The following MYLK variants were observed in gnomAD, a reference collection of about 807,000 sequenced individuals.
MYLK encodes myosin light chain kinase, smooth muscle.
A neutral mutation model predicts 203.4 loss-of-function variants in MYLK; 106 were observed. The observed-to-expected ratio is 0.52, with a 90% CI of 0.45 to 0.61. MYLK has a LOEUF of 0.61. Ranked by LOEUF, MYLK falls within the 20% of genes least tolerant of loss-of-function variation. The pLI, the probability that MYLK is intolerant of heterozygous loss-of-function variation, is 0.00. For synonymous variants in MYLK, 867 were observed against 959.5 expected, an observed-to-expected ratio of 0.90 and a Z score of 1.78; for missense variants, 2,072 against 2,442.3, an observed-to-expected ratio of 0.85 and a Z score of 3.20.
intron 17 of MYLK, 39 bp from the exon 18 acceptor site, chr3:123,701,044 A>T (rs768067058): frequency 6.3e-7 from 1 of 1,597,938 alleles, no homozygotes; most frequent in Admixed American, 1.7e-5. Context: ...TAGCAGGAGG[A>T]AAAGGGGCTG....
At chr3:123,795,370 G>T in intron 3 of MYLK, among the ~76,000 whole-genome samples, 1 of 152,166 alleles carries the variant, frequency 6.6e-6, no homozygotes, top group Non-Finnish European at 1.5e-5. Flanking sequence ...TATGTGTACT[G>T]AAATCTATGC....
intron 3 of MYLK, among the ~76,000 whole-genome samples, chr3:123,803,296 C>T (rs1477860155): frequency 1.3e-5 from 2 of 152,186 alleles, no homozygotes; most frequent in African/African-American, 2.4e-5. Flanking sequence ...TGACTGCTAT[C>T]GTTAATGGTG....
intron 1 of MYLK, among the ~76,000 whole-genome samples, chr3:123,877,029 G>A (rs2033192509): frequency 6.6e-6 from 1 of 152,138 alleles, no homozygotes; most frequent in South Asian, 2.1e-4. Flanking sequence ...GCCTCTGGGG[G>A]CAGTATCTGA....
At chr3:123,842,630 C>T (rs1382329767) in intron 2 of MYLK, among the ~76,000 whole-genome samples, 1 of 152,098 alleles carries the variant, frequency 6.6e-6, no homozygotes, top group Non-Finnish European at 1.5e-5. Context: ...TAGTCAATAA[C>T]AAAAAACAAG....
rs1006185631 is a variant in MYLK, at chr3:123,618,528, C to T, written c.5500+111G>A. ...AGTTTCCCCCAAAGCTTGGCAGTTC[C>T]TCATTGTCCCCAGCTGCACAGAACT... On this transcript the variant is annotated intron_variant, in intron 33 of 33. Coordinates refer to ENST00000360304, the MANE Select transcript of MYLK (RefSeq NM_053025.4). The T allele has an allele frequency of 5.4e-6, 8 of 1,484,804 alleles. No individual in the cohort carries two copies. The African/African-American group carries it at 9.7e-5, about 18-fold the overall frequency. 92.0% of individuals were successfully genotyped at this position (1,484,804 alleles called of 1,614,324 possible).
intron 8 of MYLK, 76 bp downstream of exon 8, chr3:123,737,302 G>A (rs2062707206): frequency 6.3e-7 from 1 of 1,595,006 alleles, no homozygotes; most frequent in Non-Finnish European, 8.6e-7. Context: ...CAGGTGCGCA[G>A]TGAACAAGCA....
intron 3 of MYLK, among the ~76,000 whole-genome samples, chr3:123,811,240 G>A (rs981570136): frequency 4.6e-5 from 7 of 152,110 alleles, no homozygotes; most frequent in Admixed American, 6.6e-5. Flanking sequence ...TTGCACTCGG[G>A]GTGAGGGAGC....
Position 123,629,313 on chromosome 3 carries a change from C to T in MYLK, c.5114+161G>A, listed in dbSNP as rs1220986620. On this transcript the variant is annotated intron_variant, in intron 30 of 33. Coordinates refer to ENST00000360304, the MANE Select transcript of MYLK (RefSeq NM_053025.4). The surrounding 1 kb of genome is among the most constrained non-coding windows in gnomAD (Gnocchi z 4.4). ...GTCGCCTCCCCAACCCACATGCATT[C>T]GGGTCTCTTACCATGCCCACCCTCC... Among the ~76,000 whole-genome samples, 1 of 151,930 alleles carries T rather than the reference C, an allele frequency of 6.6e-6. No homozygotes were observed. Among genetic ancestry groups the T allele is most frequent in the African/African-American group, 2.4e-5 (1 of 41,362 alleles).
At chr3:123,722,603 C>G (rs2062133048) in intron 12 of MYLK, among the ~76,000 whole-genome samples, 1 of 152,144 alleles carries the variant, frequency 6.6e-6, no homozygotes, top group South Asian at 2.1e-4. Flanking sequence ...TTTGGGCATT[C>G]TGTGTTAAAC....
rs147623610 is a variant in MYLK, at chr3:123,809,306, C to A, written c.-3-15462G>T. The stretch of plus-strand genomic sequence containing the variant: ...TTGGGAGGCCAAGGTGGGCAGATCA[C>A]TTGAGGTCAGGAGTTCGAGACAAGC... On this transcript the variant is annotated intron_variant, in intron 3 of 33. Coordinates refer to ENST00000360304, the MANE Select transcript of MYLK (RefSeq NM_053025.4). Among the ~76,000 whole-genome samples the A allele has an allele frequency of 1.8e-4, 27 of 152,282 alleles. No homozygotes were observed. In the East Asian group the frequency reaches 5.2e-3, roughly 29 times the overall value.
rs554535934 is a variant in MYLK, at chr3:123,817,189, G to A, written c.-4+14359C>T. Among the ~76,000 whole-genome samples the A allele has an allele frequency of 6.6e-5, 10 of 152,288 alleles. No individual in the cohort carries two copies. In the South Asian group the frequency reaches 2.1e-3, roughly 32 times the overall value. ...TTCTCCTGACATCTAGGATAGCAGAGATATTATTTCAGGATCAGATCTTGA... is the reference window on the plus strand; with the variant it reads ...TTCTCCTGACATCTAGGATAGCAGAAATATTATTTCAGGATCAGATCTTGA... On this transcript the variant is annotated intron_variant, in intron 3 of 33. Transcript: ENST00000360304.
intron 2 of MYLK, among the ~76,000 whole-genome samples, chr3:123,862,568 A>G (rs1327878509): frequency 5.9e-5 from 9 of 151,968 alleles, no homozygotes; most frequent in Admixed American, 5.9e-4. Flanking sequence ...ATGCTTGCTG[A>G]CTTTCCCTAC....
chr3:123,620,093 G>A (rs2057762310), intron 32 of MYLK, 114 bp downstream of exon 32: 1 of 915,736 alleles, frequency 1.1e-6, no homozygotes, highest in East Asian at 2.4e-5. Context: ...ATTTATCCTT[G>A]CAGGGAATAT....
At chr3:123,720,785 G>A (rs1404765344) in intron 13 of MYLK, among the ~76,000 whole-genome samples, 1 of 152,186 alleles carries the variant, frequency 6.6e-6, no homozygotes, top group Admixed American at 6.5e-5. Flanking sequence ...TCCCGGCAGA[G>A]AGCTTCACAG....
In MYLK at chr3:123,709,880, G is replaced by C. The variant is rs763941748; in HGVS notation, c.1818C>G (p.Ser606Arg). 3 of 1,614,144 alleles carry C rather than the reference G, an allele frequency of 1.9e-6. No individual in the cohort carries two copies. The Admixed American group carries it at 5.0e-5, about 27-fold the overall frequency. The stretch of plus-strand genomic sequence containing the variant: ...CAGGCAGAAGGTACTCACTCTTCCT[G>C]CTACTCTTCTTTTCTGTGTGGTAGA... ...AWVTVHEKKSSRKSEYLLPVA... is the reference protein window; with the variant it reads ...AWVTVHEKKSRRKSEYLLPVA... The change falls in exon 14 of 34, where the codon AGC becomes AGG. Residue 606 changes from serine to arginine, a missense_variant. Physicochemically the swap from Ser to Arg is moderately radical, Grantham distance 110. Transcript: ENST00000360304.
rs763220532 is a variant in MYLK, at chr3:123,615,373, G to A, written c.5501-1024C>T. 6.6e-5 allele frequency among the ~76,000 whole-genome samples: 10 copies of A among 150,400 alleles called. No individual in the cohort carries two copies. In the East Asian group the frequency reaches 9.8e-4, roughly 15 times the overall value. On this transcript the variant is annotated intron_variant, in intron 33 of 33. Coordinates refer to ENST00000360304, the MANE Select transcript of MYLK (RefSeq NM_053025.4). The stretch of plus-strand genomic sequence containing the variant: ...TTTTGAGACAGAGTCTCACTCTGTC[G>A]CCCAGGCTGGAGTGCAGTAGCGTGA...
chr3:123,808,906 G>A (rs139579559), intron 3 of MYLK, among the ~76,000 whole-genome samples: 192 of 152,226 alleles, frequency 1.3e-3, no homozygotes, highest in East Asian at 2.3e-3. Context: ...AATAAGTAAC[G>A]GCTACTTATT....
intron 1 of MYLK, among the ~76,000 whole-genome samples, chr3:123,878,356 G>T (rs187544696): frequency 1.2e-4 from 18 of 152,344 alleles, no homozygotes; most frequent in Admixed American, 1.1e-3. Context: ...CAAACCCGGG[G>T]CATCTTCCTG....
intron 3 of MYLK, among the ~76,000 whole-genome samples, chr3:123,822,223 A>C (rs2065961506): frequency 6.6e-6 from 1 of 152,228 alleles, no homozygotes; most frequent in Non-Finnish European, 1.5e-5. Context: ...CTTTTACAGC[A>C]GCATAAAATA....
Sources: allele counts gnomAD v4.1 joint callset (sites outside exome capture counted in the v4.1 genomes callset), GRCh38; gene constraint gnomAD v4.1.1; non-coding constraint Gnocchi (gnomAD v3.1); transcripts MANE v1.5; gene names NCBI Gene and HGNC (gene_info 2026-07-23, HGNC 2026-07-21).